CNTN2: variants seen among roughly 807,000 people sequenced by gnomAD.
The protein encoded by CNTN2 is contactin-2.
Under a neutral mutation model 117.5 loss-of-function variants are expected in CNTN2, and 53 were observed. The observed-to-expected ratio is 0.45, with a 90% confidence interval of 0.36 to 0.57. The LOEUF is 0.57. Ranked by LOEUF, CNTN2 falls within the 20% of genes least tolerant of loss-of-function variation. The pLI, the probability that CNTN2 is intolerant of heterozygous loss-of-function variation, is 0.00. For synonymous variants in CNTN2, 530 were observed against 561.7 expected (o/e 0.94, Z 0.80); for missense variants, 1,106 against 1,404.3 (o/e 0.79, Z 3.39).
chr1:205,045,113 C>T (rs1316810644), intron 1 of CNTN2, among the ~76,000 whole-genome samples: 1 of 152,126 alleles, frequency 6.6e-6, no homozygotes, highest in African/African-American at 2.4e-5. Context: ...TGTGCTCACA[C>T]CATGAGCGGT....
In CNTN2 at chr1:205,069,868, C is replaced by T. The variant is rs770042747; in HGVS notation, c.2238C>T (p.Tyr746=). Residue 746 remains tyrosine (Y), a synonymous_variant, in exon 18 of 23, where the codon TAC becomes TAT. Transcript: ENST00000331830. ...REYQNGDGFG[Y]LLSFRRQGST... ...ACCAGAACGGAGACGGCTTCGGCTACCTGCTGTCCTTCCGCAGGCAGGGCA... is the reference window on the plus strand; with the variant it reads ...ACCAGAACGGAGACGGCTTCGGCTATCTGCTGTCCTTCCGCAGGCAGGGCA... 6.2e-7 allele frequency: 1 copy of T among 1,613,408 alleles called. No individual in the cohort carries two copies. The highest frequency in any genetic ancestry group is 2.2e-5 in the East Asian group (1 of 44,874).
intron 19 of CNTN2, 52 bp from the exon 20 acceptor site, chr1:205,071,895 C>T: frequency 1.3e-6 from 2 of 1,537,634 alleles, no homozygotes; most frequent in South Asian, 1.3e-5. Flanking sequence ...CCGGGGCAGC[C>T]CTGAGATCCT....
Position 205,073,104 on chromosome 1 carries a change from C to T in CNTN2, c.2881C>T (p.Leu961Phe). The change falls in exon 22 of 23, where the codon CTC becomes TTC. Residue 961 changes from leucine to phenylalanine, a missense_variant. Physicochemically the swap from Leu to Phe is conservative, Grantham distance 22 (BLOSUM62 0). Coordinates refer to ENST00000331830, the MANE Select transcript of CNTN2 (RefSeq NM_005076.5). This position sits in a 1 kb window ranked among gnomAD's most constrained non-coding sequence, Gnocchi z 6.3. ...YQNDLHLTPT[L>F]HLTGKNWIEI... The stretch of plus-strand genomic sequence containing the variant: ...GAATGACTTACACCTGACTCCCACG[C>T]TCCACCTCACCGGCAAGAACTGGAT... The T allele has an allele frequency of 6.2e-7, 1 of 1,614,176 alleles. No homozygotes were observed. Among genetic ancestry groups the T allele is most frequent in the South Asian group, 1.1e-5 (1 of 91,080 alleles).
chr1:205,065,805 A>G lies in CNTN2; in HGVS notation c.1712A>G (p.Asp571Gly). 6.6e-7 allele frequency: 1 copy of G among 1,508,070 alleles called. No homozygotes were observed. Among genetic ancestry groups the G allele is most frequent in the South Asian group, 1.1e-5 (1 of 89,452 alleles). 93.4% of individuals were successfully genotyped at this position (1,508,070 alleles called of 1,614,324 possible). A position where few individuals can be genotyped will look rare whatever the true frequency, so the allele number is the denominator to read the frequency against. Residue 571 changes from aspartate to glycine, a missense_variant, in exon 14 of 23, where the codon GAT (aspartate) becomes GGT (glycine). Physicochemically the swap from Asp to Gly is moderately conservative, Grantham distance 94. Coordinates refer to ENST00000331830, the MANE Select transcript of CNTN2 (RefSeq NM_005076.5). This position sits in a 1 kb window ranked among gnomAD's most constrained non-coding sequence, Gnocchi z 4.1. ...RRTNVKETIGDLTILNAQLRH... is the reference protein window; with the variant it reads ...RRTNVKETIGGLTILNAQLRH... ...CGTGTGCAGAAGGAGACCATTGGGGATCTGACCATCCTGAACGCCCAGCTG... is the reference window on the plus strand; with the variant it reads ...CGTGTGCAGAAGGAGACCATTGGGGGTCTGACCATCCTGAACGCCCAGCTG...
chr1:205,055,883 C>T (rs1328616663), intron 2 of CNTN2, among the ~76,000 whole-genome samples: 2 of 152,028 alleles, frequency 1.3e-5, no homozygotes, highest in South Asian at 4.2e-4. Flanking sequence ...GTAAGCAGTC[C>T]GTCTATAGCA....
chr1:205,047,726 G>A lies in CNTN2; in HGVS notation c.-87+4332G>A, dbSNP rs932446896. On this transcript the variant is annotated intron_variant, in intron 1 of 22. Transcript: ENST00000331830. ...CATATGAGTGCCGCCTGGACGTTGT[G>A]ACTGTATAGAAGTAAGCCAGACAGG... Among the ~76,000 whole-genome samples, 18 of 152,180 alleles carry A rather than the reference G, an allele frequency of 1.2e-4. No individual in the cohort carries two copies. The East Asian group carries it at 3.3e-3, about 28-fold the overall frequency.
At chr1:205,057,810 A>AAATGGGACATT in intron 2 of CNTN2, 111 bp from the exon 3 acceptor site, 1 of 1,341,470 alleles carries the variant, frequency 7.5e-7, no homozygotes, top group East Asian at 2.3e-5. Flanking sequence ...ACAGTGCAGA[A>AAATGGGACATT]AATGGGACAT....
chr1:205,062,127 G>A, intron 9 of CNTN2, 126 bp downstream of exon 9: 1 of 1,272,496 alleles, frequency 7.9e-7, no homozygotes, highest in East Asian at 2.6e-5. Flanking sequence ...GTCAGAGGGT[G>A]GTCCTAGGAC....
At chr1:205,064,596 G>T (rs1455023776) in intron 11 of CNTN2, 27 bp from the exon 12 acceptor site, 2 of 1,610,706 alleles carry the variant, frequency 1.2e-6, no homozygotes, top group Admixed American at 3.3e-5. Flanking sequence ...GCCTGAGTTG[G>T]CCACATCTGC....
rs1653785477 is a variant in CNTN2 at position 205,058,512 on chromosome 1, G to A, written c.392-56G>A. ...CTGCTTCTCCGTGAAGGATGAGTCG[G>A]GGAGGGGCTCGCAGGCCAGGAGGAC... is the stretch of plus-strand genomic sequence containing the variant. On this transcript the variant is annotated intron_variant, in intron 4 of 22. Coordinates refer to ENST00000331830, the MANE Select transcript of CNTN2 (RefSeq NM_005076.5). The surrounding 1 kb of genome is among the most constrained non-coding windows in gnomAD (Gnocchi z 4.3). 1 of 1,590,060 alleles carries A rather than the reference G, an allele frequency of 6.3e-7. No homozygotes were observed. Among genetic ancestry groups the A allele is most frequent in the South Asian group, 1.1e-5 (1 of 90,280 alleles).
At chr1:205,067,620 T>TG (rs1654362741) in intron 16 of CNTN2, 2 of 176,440 alleles carry the variant, frequency 1.1e-5, no homozygotes, top group South Asian at 2.8e-4. Flanking sequence ...TGGAAGAGTA[T>TG]GCACTACAGA....
rs1308507866 is a variant in CNTN2 at position 205,058,194 on chromosome 1, G to A, written c.229G>A (p.Gly77Ser). 1.9e-6 allele frequency: 3 copies of A among 1,584,850 alleles called. No individual in the cohort carries two copies. The highest frequency in any genetic ancestry group is 2.6e-6 in the Non-Finnish European group (3 of 1,165,846). The change falls in exon 4 of 23, where the codon GGT (glycine) becomes AGT (serine). Residue 77 changes from glycine to serine, a missense_variant. Coordinates refer to ENST00000331830, the MANE Select transcript of CNTN2 (RefSeq NM_005076.5). The surrounding 1 kb of genome is among the most constrained non-coding windows in gnomAD (Gnocchi z 4.3). ...CCCCTGCTGCAGGTGGAAGATGAAT[G>A]GTACCGAGATGAAGCTGGAGCCAGG... ...PPATYRWKMN[G>S]TEMKLEPGSR...
intron 1 of CNTN2, among the ~76,000 whole-genome samples, chr1:205,051,649 C>T (rs938067155): frequency 7.9e-5 from 12 of 152,122 alleles, no homozygotes; most frequent in Non-Finnish European, 5.9e-5. Flanking sequence ...CCCAGCTTCT[C>T]GGCTTCCTTG....
chr1:205,055,589 A>C (rs1013384502), intron 2 of CNTN2, among the ~76,000 whole-genome samples: 1 of 152,172 alleles, frequency 6.6e-6, no homozygotes, highest in African/African-American at 2.4e-5. Context: ...CCTCACTCCA[A>C]GAGATTCTGA....
intron 10 of CNTN2, among the ~76,000 whole-genome samples, 196 bp from the exon 11 acceptor site, chr1:205,064,126 A>AGGGGGGGGGGGTGGGGGGGGGGGGG (rs11329962): frequency 1.1e-5 from 1 of 94,368 alleles, no homozygotes; most frequent in Non-Finnish European, 2.5e-5. Flanking sequence ...TGAGGGGCGG[A>AGGGGGGGGGGGTGGGGGGGGGGGGG]GGGGGGGCGC....
At chr1:205,067,702 A>AC (rs1267628856) in intron 16 of CNTN2, 1 of 153,958 alleles carries the variant, frequency 6.5e-6, no homozygotes, top group Non-Finnish European at 1.4e-5. Flanking sequence ...CGAGGCAGGC[A>AC]GATCACCTGA....
chr1:205,067,111 C>T lies in CNTN2; in HGVS notation c.1986C>T (p.Asn662=), dbSNP rs140020952. ...CCTGGTGCCTTGCAGATCCTGCAAA[C>T]ATCGAGGGCAATGCCGAGACTGCAC... ...KWKQVRTNPA[N]IEGNAETAQV... Residue 662 remains asparagine, a synonymous_variant, in exon 16 of 23, where the codon AAC becomes AAT. Transcript: ENST00000331830. 1.9e-6 allele frequency: 3 copies of T among 1,610,406 alleles called. No individual in the cohort carries two copies. In the African/African-American group the frequency reaches 4.0e-5, roughly 22 times the overall value.
chr1:205,064,475 AC>A lies in CNTN2; in HGVS notation c.1391+5del. On this transcript the variant is annotated splice_donor_region_variant and intron_variant, in intron 11 of 22. Transcript: ENST00000331830. ...GAGATTTTGGTCAACAGCAGCAGGT[AC>A]CACCCACACCCCACCCTGCACAGTT... The A allele has an allele frequency of 6.2e-7, 1 of 1,604,582 alleles. No individual in the cohort carries two copies. Among genetic ancestry groups the A allele is most frequent in the Non-Finnish European group, 8.5e-7 (1 of 1,172,790 alleles).
Position 205,069,891 on chromosome 1 carries a change from G to C in CNTN2, c.2261G>C (p.Gly754Ala), listed in dbSNP as rs1355272185. 1 of 1,613,716 alleles carries C rather than the reference G, an allele frequency of 6.2e-7. No homozygotes were observed. Among genetic ancestry groups the C allele is most frequent in the Non-Finnish European group, 8.5e-7 (1 of 1,180,026 alleles). The change falls in exon 18 of 23, where the codon GGC becomes GCC. Residue 754 changes from glycine (G) to alanine (A), a missense_variant. Gly to Ala is a moderately conservative substitution (Grantham distance 60, BLOSUM62 0). Coordinates refer to ENST00000331830, the MANE Select transcript of CNTN2 (RefSeq NM_005076.5). ...FGYLLSFRRQ[G>A]STHWQTARVP... is the part of the protein sequence containing the mutation. ...TACCTGCTGTCCTTCCGCAGGCAGG[G>C]CAGCACTCACTGGCAGACCGCCCGG...
Sources: allele counts gnomAD v4.1 joint callset (sites outside exome capture counted in the v4.1 genomes callset), GRCh38; gene constraint gnomAD v4.1.1; non-coding constraint Gnocchi (gnomAD v3.1); transcripts MANE v1.5; gene names NCBI Gene and HGNC (gene_info 2026-07-23, HGNC 2026-07-21).